Variants in FLT1 observed in about 807,000 individuals in gnomAD.
The protein encoded by FLT1 is fms related receptor tyrosine kinase 1.
In FLT1, 49 loss-of-function variants were observed where a neutral mutation model predicts 156.3. That is an observed-to-expected ratio of 0.31 (90% CI 0.25 to 0.40). The LOEUF (loss-of-function observed/expected upper bound fraction) is 0.40. Among genes scored for constraint, FLT1 ranks in the 10% least tolerant of loss-of-function variants. The probability of loss-of-function intolerance (pLI) is 1.00; values close to 1 mark genes in which losing one functional copy is unlikely to be tolerated. For missense variants in FLT1, 1,322 were observed against 1,637.2 expected, an observed-to-expected ratio of 0.81 and a Z score of 3.32; for synonymous variants, 594 against 583.8, an observed-to-expected ratio of 1.02 and a Z score of -0.25.
At chr13:28,458,156 C>A (rs1879373198) in intron 3 of FLT1, among the ~76,000 whole-genome samples, 1 of 152,012 alleles carries the variant, frequency 6.6e-6, no homozygotes, top group Admixed American at 6.5e-5. Flanking sequence ...AGGCTGGTGA[C>A]CCCAAGTCAT....
chr13:28,401,718 C>T (rs903238809), intron 11 of FLT1, among the ~76,000 whole-genome samples: 2 of 152,138 alleles, frequency 1.3e-5, no homozygotes, highest in African/African-American at 4.8e-5. Context: ...GATGGGAAAA[C>T]AGAACGTGAG....
chr13:28,311,683 C>T lies in FLT1; in HGVS notation c.3542G>A (p.Gly1181Glu). The T allele has an allele frequency of 6.2e-7, 1 of 1,613,594 alleles. No homozygotes were observed. Among genetic ancestry groups the T allele is most frequent in the Non-Finnish European group, 8.5e-7 (1 of 1,179,668 alleles). Reference sequence around the variant, plus strand: ...GAAGGCAGGAGTTGAGTATGTAAACCCACTATTTCCTGTCAGTATGGCATT... The same window carrying T: ...GAAGGCAGGAGTTGAGTATGTAAACTCACTATTTCCTGTCAGTATGGCATT... Reference protein sequence around the residue: ...PINAILTGNSGFTYSTPAFSE... With the variant: ...PINAILTGNSEFTYSTPAFSE... Residue 1181 changes from glycine to glutamate, a missense_variant, in exon 27 of 30, where the codon GGG (glycine) becomes GAG (glutamate). Physicochemically the swap from Gly to Glu is moderately conservative, Grantham distance 98 (BLOSUM62 -2). Around this residue, in one of 3 missense-constraint regions of FLT1, gnomAD observed 329 missense variants for 366.2 expected, o/e 0.90. Coordinates refer to ENST00000282397, the MANE Select transcript of FLT1 (RefSeq NM_002019.4).
At chr13:28,308,554 C>A (rs1031732203) in intron 28 of FLT1, 1 of 423,766 alleles carries the variant, frequency 2.4e-6, no homozygotes, top group Non-Finnish European at 4.4e-6. Flanking sequence ...AGCAAAGCTG[C>A]ATCACTGACA....
intron 1 of FLT1, among the ~76,000 whole-genome samples, chr13:28,477,130 G>A (rs1180781169): frequency 6.6e-6 from 1 of 152,176 alleles, no homozygotes; most frequent in Non-Finnish European, 1.5e-5. Context: ...TACTGTCTAT[G>A]TTTATGAGGG....
chr13:28,470,073 A>G (rs77463151), intron 1 of FLT1, among the ~76,000 whole-genome samples: 2,019 of 152,264 alleles, frequency 0.013, 50 homozygotes, highest in African/African-American at 0.045. Context: ...AGTAATTTTT[A>G]CAGACAGTAG....
chr13:28,319,630 C>T (rs755091919), intron 23 of FLT1, 96 bp from the exon 24 acceptor site: 28 of 733,856 alleles, frequency 3.8e-5, no homozygotes, highest in Non-Finnish European at 6.2e-5. Flanking sequence ...TAACATACGG[C>T]CTATAAATCA....
At chr13:28,319,295 C>T (rs1008687576) in intron 24 of FLT1, 128 bp downstream of exon 24, 3 of 698,154 alleles carry the variant, frequency 4.3e-6, no homozygotes. Flanking sequence ...TACATGGGCC[C>T]ATTACACTTT....
chr13:28,417,729 C>G (rs1876742798), intron 10 of FLT1, among the ~76,000 whole-genome samples: 1 of 148,156 alleles, frequency 6.7e-6, no homozygotes, highest in Admixed American at 6.8e-5. Context: ...TGGGTTCAAA[C>G]AATCCTCCCA....
chr13:28,389,607 T>C (rs1426567799), intron 13 of FLT1, 189 bp downstream of exon 13: 3 of 1,458,970 alleles, frequency 2.1e-6, no homozygotes, highest in African/African-American at 1.4e-5. Flanking sequence ...TCCGAACTCA[T>C]TTTGGGAGGA....
At chr13:28,376,804 T>C (rs1286055814) in intron 14 of FLT1, among the ~76,000 whole-genome samples, 1 of 152,304 alleles carries the variant, frequency 6.6e-6, no homozygotes. Context: ...TTTGATTATT[T>C]TGGAGAGCTG....
chr13:28,345,781 T>C (rs191971821), intron 15 of FLT1: 1 of 421,486 alleles, frequency 2.4e-6, no homozygotes, highest in East Asian at 3.7e-5. Flanking sequence ...TGAACTCACA[T>C]AGAAAAGGCT....
Position 28,454,294 on chromosome 13 carries a change from A to G in FLT1, c.388+12609T>C, listed in dbSNP as rs965123233. On this transcript the variant is annotated intron_variant, in intron 3 of 29. Transcript: ENST00000282397. The stretch of plus-strand genomic sequence containing the variant: ...GTATTGTCTCATGTAGTCTCCTAAT[A>G]GCCCCTGAAGTAATACTCTTCTCAT... 7.9e-5 allele frequency among the ~76,000 whole-genome samples: 12 copies of G among 152,184 alleles called. 1 individual carries two copies. Among genetic ancestry groups the G allele is most frequent in the Admixed American group, 7.2e-4 (11 of 15,288 alleles).
At chr13:28,314,539 A>G (rs1186914317) in intron 25 of FLT1, among the ~76,000 whole-genome samples, 1 of 152,240 alleles carries the variant, frequency 6.6e-6, no homozygotes, top group Non-Finnish European at 1.5e-5. Flanking sequence ...GTTATGAGAC[A>G]TTAGCTTGCA....
chr13:28,344,634 T>G (rs1872489183), intron 16 of FLT1, among the ~76,000 whole-genome samples: 1 of 152,130 alleles, frequency 6.6e-6, no homozygotes, highest in Non-Finnish European at 1.5e-5. Context: ...CAGATCATAT[T>G]ACAGACCTAA....
At chr13:28,349,245 G>C (rs537995856) in intron 15 of FLT1, among the ~76,000 whole-genome samples, 1 of 152,184 alleles carries the variant, frequency 6.6e-6, no homozygotes, top group Non-Finnish European at 1.5e-5. Flanking sequence ...TTGTCAGCTG[G>C]TCTTAAGTTT....
intron 29 of FLT1, among the ~76,000 whole-genome samples, chr13:28,306,085 A>G: frequency 6.6e-6 from 1 of 152,220 alleles, no homozygotes; most frequent in East Asian, 1.9e-4. Flanking sequence ...AGACTCGCAC[A>G]GAGAAGCTGC....
At position 28,303,270 on chromosome 13, in the gene FLT1, C is replaced by T. The variant is rs759739030; in HGVS notation, c.3914G>A (p.Arg1305His). ...CTCAGCGTGGTCGTAGGTGAACCTG[C>T]GCTTGCCTTCGCTGACGTGCCCACA... The part of the protein sequence containing the change: ...SSCGHVSEGK[R>H]RFTYDHAELE... The change falls in exon 30 of 30, where the codon CGC becomes CAC. Residue 1305 changes from arginine to histidine, a missense_variant. Around this residue, in one of 3 missense-constraint regions of FLT1, gnomAD observed 329 missense variants for 366.2 expected, o/e 0.90. Coordinates refer to ENST00000282397, the MANE Select transcript of FLT1 (RefSeq NM_002019.4). The T allele has an allele frequency of 3.1e-6, 5 of 1,613,998 alleles. No individual in the cohort carries two copies. Among genetic ancestry groups the T allele is most frequent in the South Asian group, 1.1e-5 (1 of 91,074 alleles).
Position 28,343,658 on chromosome 13 carries a change from T to TC in FLT1, c.2355+1786dup, listed in dbSNP as rs546679329. Among the ~76,000 whole-genome samples the TC allele has an allele frequency of 2.6e-3, 387 of 151,016 alleles. 3 individuals carry two copies. The highest frequency in any genetic ancestry group is 9.1e-3 in the African/African-American group (371 of 40,958). On this transcript the variant is annotated intron_variant, in intron 16 of 29. Coordinates refer to ENST00000282397, the MANE Select transcript of FLT1 (RefSeq NM_002019.4). ...CTTTTTTTCTTTCTTTTTTTTTTTT[T>TC]CTGAGACAGAGTCTCGCTTTGTAGC... is the stretch of plus-strand genomic sequence containing the variant.
At chr13:28,332,611 T>G (rs573677573) in intron 18 of FLT1, among the ~76,000 whole-genome samples, 1 of 152,296 alleles carries the variant, frequency 6.6e-6, no homozygotes, top group East Asian at 1.9e-4. Context: ...CACACTGGTA[T>G]GGAGGAAAGA....
Sources: gnomAD v4.1 joint callset for allele counts (sites outside exome capture counted in the v4.1 genomes callset) on GRCh38, gnomAD v4.1.1 for gene constraint, gnomAD v4.1.1 regional missense constraint, MANE v1.5 for transcripts, NCBI Gene and HGNC (gene_info 2026-07-23, HGNC 2026-07-21) for gene names.